Variants in PDGFRL observed in about 807,000 individuals in gnomAD.
PDGFRL encodes platelet-derived growth factor receptor-like protein.
Under a neutral mutation model 37.2 loss-of-function variants are expected in PDGFRL, and 46 were observed. That is an observed-to-expected ratio of 1.24 (90% CI 0.98 to 1.58). The LOEUF is 1.58. Ranked by LOEUF, PDGFRL falls within the 40% of genes most tolerant of loss-of-function variation. The pLI is 0.00. For synonymous variants in PDGFRL, 251 were observed against 184.3 expected (o/e 1.36, Z -2.93); for missense variants, 692 against 467.6 (o/e 1.48, Z -4.43).
At chr8:17,579,751 A>G (rs965015069) in intron 1 of PDGFRL, among the ~76,000 whole-genome samples, 1 of 151,974 alleles carries the variant, frequency 6.6e-6, no homozygotes, top group African/African-American at 2.4e-5. Flanking sequence ...CTGTGACCCA[A>G]TGAAGCTGGC....
intron 5 of PDGFRL, among the ~76,000 whole-genome samples, chr8:17,636,287 T>C (rs1804967935): frequency 6.7e-6 from 1 of 149,154 alleles, no homozygotes; most frequent in Non-Finnish European, 1.5e-5. Context: ...AGTTGATTTT[T>C]GTATAAGGTG....
At chr8:17,616,265 G>C (rs1478793241) in intron 2 of PDGFRL, among the ~76,000 whole-genome samples, 1 of 152,070 alleles carries the variant, frequency 6.6e-6, no homozygotes. Flanking sequence ...CGCAATCTCA[G>C]CTCACTGCAA....
chr8:17,597,125 A>G (rs779636771), intron 2 of PDGFRL, among the ~76,000 whole-genome samples: 13 of 152,158 alleles, frequency 8.5e-5, no homozygotes, highest in Non-Finnish European at 1.6e-4. Context: ...TGTTCAAGCA[A>G]TTCTAGTGCC....
intron 2 of PDGFRL, among the ~76,000 whole-genome samples, chr8:17,606,640 T>C (rs970584288): frequency 6.6e-5 from 10 of 152,126 alleles, no homozygotes; most frequent in African/African-American, 2.4e-4. Context: ...CTTCCCCCAG[T>C]GTACTCAATG....
intron 1 of PDGFRL, among the ~76,000 whole-genome samples, chr8:17,580,728 A>G (rs1803688201): frequency 6.6e-6 from 1 of 152,192 alleles, no homozygotes; most frequent in South Asian, 2.1e-4. Context: ...TTAAAACCGC[A>G]GAAGTTTGTT....
At chr8:17,595,667 C>G (rs1467771220) in intron 2 of PDGFRL, among the ~76,000 whole-genome samples, 1 of 152,174 alleles carries the variant, frequency 6.6e-6, no homozygotes, top group Admixed American at 6.5e-5. Flanking sequence ...TCCACCTTCC[C>G]TACTACCCGC....
At chr8:17,614,763 G>A (rs1804490301) in intron 2 of PDGFRL, among the ~76,000 whole-genome samples, 1 of 152,156 alleles carries the variant, frequency 6.6e-6, no homozygotes, top group South Asian at 2.1e-4. Context: ...CATTTTTGTA[G>A]AGATGGGGGT....
chr8:17,624,553 A>G (rs6586611), intron 3 of PDGFRL, among the ~76,000 whole-genome samples: 150,288 of 152,288 alleles, frequency 0.99, 74,194 homozygotes, highest in East Asian at 1. Context: ...CCAGCAGCAG[A>G]GCTTTCTCAT....
intron 2 of PDGFRL, among the ~76,000 whole-genome samples, chr8:17,614,086 G>A (rs1382145463): frequency 6.6e-6 from 1 of 152,122 alleles, no homozygotes; most frequent in Admixed American, 6.5e-5. Flanking sequence ...ATTGACAGAT[G>A]ATAGATTGAT....
chr8:17,590,485 G>A (rs1430085556), intron 2 of PDGFRL, among the ~76,000 whole-genome samples: 1 of 152,024 alleles, frequency 6.6e-6, no homozygotes, highest in Non-Finnish European at 1.5e-5. Flanking sequence ...GCCAAAGCAG[G>A]CAGATCACTT....
chr8:17,583,165 A>G (rs1803744166), intron 1 of PDGFRL, among the ~76,000 whole-genome samples: 2 of 152,192 alleles, frequency 1.3e-5, no homozygotes, highest in South Asian at 4.1e-4. Context: ...GATGTATCAG[A>G]AAGCCTGAGT....
At chr8:17,639,560 T>A (rs2129856196) in intron 5 of PDGFRL, among the ~76,000 whole-genome samples, 1 of 152,294 alleles carries the variant, frequency 6.6e-6, no homozygotes, top group South Asian at 2.1e-4. Context: ...TACACAAAAT[T>A]CTTAGATGAT....
intron 1 of PDGFRL, among the ~76,000 whole-genome samples, chr8:17,585,958 T>C (rs1367410841): frequency 6.6e-6 from 1 of 151,926 alleles, no homozygotes; most frequent in Non-Finnish European, 1.5e-5. Context: ...TTGTCTGTTT[T>C]TTCTTTTTTT....
rs186190163 is a variant in PDGFRL at position 17,579,645 on chromosome 8, C to T, written c.55+2338C>T. ...GCAGTGGCACAATCTTAGCTCACTG[C>T]GACTTCCACTTGTGCTAGCCACCAC... On this transcript the variant is annotated intron_variant, in intron 1 of 5. Transcript: ENST00000251630. 1.5e-3 allele frequency among the ~76,000 whole-genome samples: 229 copies of T among 151,646 alleles called. 2 individuals are homozygous for T. The highest frequency in any genetic ancestry group is 4.8e-3 in the African/African-American group (197 of 41,334).
At chr8:17,627,836 A>G (rs1278831701) in intron 3 of PDGFRL, among the ~76,000 whole-genome samples, 2 of 152,034 alleles carry the variant, frequency 1.3e-5, no homozygotes, top group African/African-American at 2.4e-5. Context: ...TATATATTAT[A>G]GTATAAGAAG....
intron 2 of PDGFRL, among the ~76,000 whole-genome samples, chr8:17,607,433 A>G (rs1327928023): frequency 6.6e-6 from 1 of 152,254 alleles, no homozygotes; most frequent in Non-Finnish European, 1.5e-5. Flanking sequence ...AGTTTCTTTC[A>G]ACAAAACATT....
At chr8:17,630,704 A>G (rs1254648384) in intron 4 of PDGFRL, among the ~76,000 whole-genome samples, 1 of 152,172 alleles carries the variant, frequency 6.6e-6, no homozygotes, top group Non-Finnish European at 1.5e-5. Context: ...CAGAGGAAGT[A>G]AGTGAGAGCT....
At chr8:17,594,397 C>T (rs375237011) in intron 2 of PDGFRL, among the ~76,000 whole-genome samples, 1 of 150,856 alleles carries the variant, frequency 6.6e-6, no homozygotes, top group Non-Finnish European at 1.5e-5. Flanking sequence ...CACACCACCA[C>T]ACTCAGCTAA....
chr8:17,631,296 C>T (rs926616287), intron 4 of PDGFRL, among the ~76,000 whole-genome samples: 1 of 152,166 alleles, frequency 6.6e-6, no homozygotes, highest in Non-Finnish European at 1.5e-5. Context: ...TCTCCGAGAA[C>T]TCTCACCTTG....
Sources: allele counts gnomAD v4.1 joint callset (sites outside exome capture counted in the v4.1 genomes callset), GRCh38; gene constraint gnomAD v4.1.1; transcripts MANE v1.5; gene names NCBI Gene and HGNC (gene_info 2026-07-23, HGNC 2026-07-21).